CANX: variants seen among roughly 807,000 people sequenced by gnomAD.
CANX encodes calnexin.
CANX carries 14 observed loss-of-function variants against 75.7 expected under a neutral mutation model. The observed-to-expected ratio is 0.19, with a 90% CI of 0.12 to 0.29. The LOEUF is 0.29. CANX is among the 10% of genes least tolerant of loss of function. The pLI, the probability that CANX is intolerant of heterozygous loss-of-function variation, is 1.00. For synonymous variants in CANX, 227 were observed against 236.9 expected, an observed-to-expected ratio of 0.96 and a Z score of 0.38; for missense variants, 567 against 713.2, an observed-to-expected ratio of 0.79 and a Z score of 2.34.
At chr5:179,725,012 T>G (rs1778555948) in intron 13 of CANX, among the ~76,000 whole-genome samples, 1 of 148,648 alleles carries the variant, frequency 6.7e-6, no homozygotes, top group Non-Finnish European at 1.5e-5. Flanking sequence ...TGAGACCCTG[T>G]CTCTCTCTCT....
At chr5:179,692,403 C>T (rs1776313933) in intron 1 of CANX, among the ~76,000 whole-genome samples, 1 of 152,052 alleles carries the variant, frequency 6.6e-6, no homozygotes, top group East Asian at 1.9e-4. Context: ...CAAAAAGAGC[C>T]CCCGGTTTAA....
upstream of CANX, chr5:179,698,863 C>T (rs1326143861): frequency 2.8e-6 from 3 of 1,070,682 alleles, no homozygotes; most frequent in African/African-American, 3.4e-5. Context: ...AACCGGATGT[C>T]GGGGCTTGCG....
rs1777138552 is a variant in CANX, at chr5:179,706,346, G to C, written c.245+15G>C. ...ACTCTGTCAGGGTAAGTGTTTTCCA[G>C]AGAAATATATGTTAGAGGCAGACAT... On this transcript the variant is annotated intron_variant, in intron 3 of 14. Transcript: ENST00000247461. 1 of 1,425,934 alleles carries C rather than the reference G, an allele frequency of 7.0e-7. No individual in the cohort carries two copies. Among genetic ancestry groups the C allele is most frequent in the Admixed American group, 1.8e-5 (1 of 56,558 alleles). The allele number at this position is 1,425,934 out of a possible 1,614,324, so 88.3% of individuals were successfully genotyped here. A position where few individuals can be genotyped will look rare whatever the true frequency, so the allele number is the denominator to read the frequency against.
In CANX at chr5:179,706,311, T is replaced by C; in HGVS notation, c.225T>C (p.Phe75=). The C allele has an allele frequency of 6.3e-7, 1 of 1,595,362 alleles. No individual in the cohort carries two copies. Reference sequence around the variant, plus strand: ...GGGAAGTATATTTTGCTGATTCTTTTGACAGAGGAACTCTGTCAGGGTAAG... The same window carrying C: ...GGGAAGTATATTTTGCTGATTCTTTCGACAGAGGAACTCTGTCAGGGTAAG... ...PTGEVYFADS[F]DRGTLSGWIL... The change falls in exon 3 of 15, where the codon TTT becomes TTC. Residue 75 remains phenylalanine, a synonymous_variant. Transcript: ENST00000247461.
chr5:179,690,701 C>A (rs1420875807), intron 1 of CANX, among the ~76,000 whole-genome samples: 1 of 151,306 alleles, frequency 6.6e-6, no homozygotes, highest in Non-Finnish European at 1.5e-5. Flanking sequence ...ACCAGCCTGA[C>A]TTACATGGTG....
chr5:179,720,670 T>C (rs1778251441), intron 10 of CANX, 110 bp downstream of exon 10: 8 of 950,722 alleles, frequency 8.4e-6, no homozygotes, highest in African/African-American at 6.5e-5. Context: ...AGCTGTTGAA[T>C]TAAAAGCAGA....
chr5:179,679,984 T>C (rs1776019303), intron 1 of CANX, among the ~76,000 whole-genome samples: 1 of 127,204 alleles, frequency 7.9e-6, no homozygotes, highest in Non-Finnish European at 1.7e-5. Context: ...TTTTTTTTTT[T>C]GTATTTTTAG....
At chr5:179,698,947 G>C (rs1366299072), upstream of CANX, 1 of 1,119,912 alleles carries the variant, frequency 8.9e-7, no homozygotes, top group Non-Finnish European at 1.1e-6. Flanking sequence ...GCTTCGTGCG[G>C]TGGGGCTCGC....
At position 179,724,849 on chromosome 5, in the gene CANX, G is replaced by A. The variant is rs1778546696; in HGVS notation, c.1645+66G>A. ...CCTACGATGTTGTTAAACCTTTACA[G>A]TCAAGTTAAGGATTGTTTTTAGCCA... On this transcript the variant is annotated intron_variant, in intron 13 of 14. Coordinates refer to ENST00000247461, the MANE Select transcript of CANX (RefSeq NM_001746.4). The A allele has an allele frequency of 1.6e-5, 25 of 1,529,064 alleles. No homozygotes were observed. In the South Asian group the frequency reaches 3.0e-4, roughly 19 times the overall value. The allele number at this position is 1,529,064 out of a possible 1,614,324, so 94.7% of individuals were successfully genotyped here. A position where few individuals can be genotyped will look rare whatever the true frequency, so the allele number is the denominator to read the frequency against.
chr5:179,681,096 C>A, intron 1 of CANX: 1 of 589,922 alleles, frequency 1.7e-6, no homozygotes, highest in South Asian at 1.9e-5. Context: ...GCCTCCAGGC[C>A]AGGCCACCCC....
At chr5:179,707,603 A>T (rs1175236282) in intron 4 of CANX, among the ~76,000 whole-genome samples, 42 of 149,278 alleles carry the variant, frequency 2.8e-4, no homozygotes, top group Middle Eastern at 3.5e-3. Context: ...AAAAAAAAAA[A>T]GATTTTTCCA....
At position 179,708,271 on chromosome 5, in the gene CANX, A is replaced by G; in HGVS notation, c.337A>G (p.Lys113Glu). ...GGAGGTAGAGGAAATGAAGGAGTCA[A>G]AGCTTCCAGGTGATAAAGGACTTGT... Reference protein sequence around the residue: ...KWEVEEMKESKLPGDKGLVLM... With the variant: ...KWEVEEMKESELPGDKGLVLM... Residue 113 changes from lysine to glutamate, a missense_variant, in exon 5 of 15, where the codon AAG (lysine) becomes GAG (glutamate). Physicochemically the swap from Lys to Glu is moderately conservative, Grantham distance 56. Around this residue, in one of 3 missense-constraint regions of CANX, gnomAD observed 351 missense variants for 433.8 expected, o/e 0.81. Coordinates refer to ENST00000247461, the MANE Select transcript of CANX (RefSeq NM_001746.4). The G allele has an allele frequency of 6.2e-7, 1 of 1,613,770 alleles. No homozygotes were observed. The highest frequency in any genetic ancestry group is 8.5e-7 in the Non-Finnish European group (1 of 1,179,686).
In CANX at chr5:179,709,001, G is replaced by C. The variant is rs377451496; in HGVS notation, c.470G>C (p.Gly157Ala). 2 of 1,596,090 alleles carry C rather than the reference G, an allele frequency of 1.3e-6. No individual in the cohort carries two copies. The highest frequency in any genetic ancestry group is 2.2e-5 in the South Asian group (2 of 90,706). Residue 157 changes from glycine (G) to alanine (A), a missense_variant, in exon 6 of 15, where the codon GGA becomes GCA. Transcript: ENST00000247461. Reference sequence around the variant, plus strand: ...AGGTATGAGGTTAATTTCCAAAATGGAATAGAATGTGGTGGTGCCTATGTG... The same window carrying C: ...AGGTATGAGGTTAATTTCCAAAATGCAATAGAATGTGGTGGTGCCTATGTG... ...IVQYEVNFQNGIECGGAYVKL... is the reference protein window; with the variant it reads ...IVQYEVNFQNAIECGGAYVKL...
intron 1 of CANX, among the ~76,000 whole-genome samples, chr5:179,684,289 C>T (rs11249655): frequency 0.39 from 59,783 of 151,702 alleles, 11,911 homozygotes; most frequent in South Asian, 0.55. Flanking sequence ...TACCGTGGTG[C>T]CTAGGCTGGT....
intron 1 of CANX, among the ~76,000 whole-genome samples, chr5:179,682,480 G>A (rs928079071): frequency 6.6e-6 from 1 of 152,086 alleles, no homozygotes; most frequent in East Asian, 1.9e-4. Flanking sequence ...GGAGGCCGAG[G>A]CAGGCAAATC....
At chr5:179,692,235 C>T (rs1237075884) in intron 1 of CANX, among the ~76,000 whole-genome samples, 4 of 151,852 alleles carry the variant, frequency 2.6e-5, no homozygotes, top group African/African-American at 7.3e-5. Context: ...CCACCATGCC[C>T]GGCTAATTTT....
At chr5:179,682,823 G>C (rs1203388510) in intron 1 of CANX, among the ~76,000 whole-genome samples, 1 of 151,984 alleles carries the variant, frequency 6.6e-6, no homozygotes, top group Non-Finnish European at 1.5e-5. Context: ...ATTTAGATGT[G>C]GTGCTCGGTG....
chr5:179,685,284 T>G (rs1562433781), intron 1 of CANX, among the ~76,000 whole-genome samples: 2 of 151,624 alleles, frequency 1.3e-5, no homozygotes, highest in South Asian at 2.1e-4. Context: ...TTTATTTGTG[T>G]TTTTTTTGAG....
chr5:179,721,361 G>A (rs1778302652), intron 10 of CANX, among the ~76,000 whole-genome samples: 1 of 152,202 alleles, frequency 6.6e-6, no homozygotes, highest in Non-Finnish European at 1.5e-5. Context: ...AAGTCCTGGG[G>A]TTTCAGGCGG....
Sources: gnomAD v4.1 joint callset for allele counts (sites outside exome capture counted in the v4.1 genomes callset) on GRCh38, gnomAD v4.1.1 for gene constraint, gnomAD v4.1.1 regional missense constraint, MANE v1.5 for transcripts, NCBI Gene and HGNC (gene_info 2026-07-23, HGNC 2026-07-21) for gene names.